CLASP2: variants seen among roughly 807,000 people sequenced by gnomAD.
CLASP2 encodes CLIP-associating protein 2.
Under a neutral mutation model 194.4 loss-of-function variants are expected in CLASP2, and 47 were observed. That is an observed-to-expected ratio of 0.24 (90% CI 0.19 to 0.31). CLASP2 has a LOEUF of 0.31. Ranked by LOEUF, CLASP2 falls within the 10% of genes least tolerant of loss-of-function variation. CLASP2 has a pLI of 1.00. For synonymous variants in CLASP2, 619 were observed against 633.5 expected, an observed-to-expected ratio of 0.98 and a Z score of 0.34; for missense variants, 1,445 against 1,823.6, an observed-to-expected ratio of 0.79 and a Z score of 3.78.
intron 21 of CLASP2, among the ~76,000 whole-genome samples, chr3:33,587,912 T>C (rs1184879341): frequency 3.3e-5 from 5 of 152,312 alleles, no homozygotes; most frequent in Admixed American, 3.3e-4. Flanking sequence ...TGGTATTCTA[T>C]TAAAACCAAT....
chr3:33,580,723 A>G (rs2065866850), intron 23 of CLASP2, among the ~76,000 whole-genome samples: 1 of 151,516 alleles, frequency 6.6e-6, no homozygotes, highest in South Asian at 2.1e-4. Flanking sequence ...TGTGTTAAAG[A>G]AAAAAAATCT....
At chr3:33,500,252 C>T (rs934616317) in intron 38 of CLASP2, among the ~76,000 whole-genome samples, 1 of 152,004 alleles carries the variant, frequency 6.6e-6, no homozygotes, top group African/African-American at 2.4e-5. Flanking sequence ...CCAGGCTGGT[C>T]TTGAACTCCT....
chr3:33,682,185 T>G (rs2089961682), intron 6 of CLASP2, among the ~76,000 whole-genome samples: 1 of 152,182 alleles, frequency 6.6e-6, no homozygotes, highest in Non-Finnish European at 1.5e-5. Flanking sequence ...AGACACACAC[T>G]TATGATATTT....
At position 33,517,138 on chromosome 3, in the gene CLASP2, A is replaced by C; in HGVS notation, c.3824T>G (p.Leu1275Trp). Residue 1275 changes from leucine (L) to tryptophan (W), a missense_variant, in exon 35 of 39, where the codon TTG becomes TGG. This residue lies in a region of CLASP2 where 732 missense variants were observed against 987.9 expected (regional missense o/e 0.74). Transcript: ENST00000682230. ...ATTATGGTTAGACAGCTCCTTCAAC[A>C]ACTCTGCAACTAGGTCAGAATGATC... ...SLDHSDLVAELLKELSNHNER... is the reference protein window; with the variant it reads ...SLDHSDLVAEWLKELSNHNER... 1 of 1,613,310 alleles carries C rather than the reference A, an allele frequency of 6.2e-7. No homozygotes were observed. The highest frequency in any genetic ancestry group is 8.5e-7 in the Non-Finnish European group (1 of 1,179,666).
chr3:33,648,888 C>G (rs1466319347), intron 7 of CLASP2, among the ~76,000 whole-genome samples: 1 of 152,234 alleles, frequency 6.6e-6, no homozygotes, highest in Non-Finnish European at 1.5e-5. Flanking sequence ...CCAACTAACT[C>G]TTCCTGCTGC....
intron 23 of CLASP2, among the ~76,000 whole-genome samples, chr3:33,579,814 G>A (rs1225986632): frequency 6.6e-6 from 1 of 152,050 alleles, no homozygotes; most frequent in African/African-American, 2.4e-5. Flanking sequence ...ATGAACCCAG[G>A]CCACCTGACC....
intron 38 of CLASP2, among the ~76,000 whole-genome samples, chr3:33,499,601 G>A (rs192057029): frequency 7.6e-4 from 115 of 151,780 alleles, no homozygotes; most frequent in Admixed American, 4.1e-3. Flanking sequence ...CACCCACCTC[G>A]GCATCCCAAA....
chr3:33,712,464 G>A (rs1290044461), intron 1 of CLASP2, among the ~76,000 whole-genome samples: 10 of 152,136 alleles, frequency 6.6e-5, no homozygotes, highest in Non-Finnish European at 7.4e-5. Context: ...ACTTATCCAC[G>A]TAACCAAAAG....
chr3:33,550,991 G>A (rs1268922457), intron 30 of CLASP2, among the ~76,000 whole-genome samples: 1 of 152,130 alleles, frequency 6.6e-6, no homozygotes, highest in Non-Finnish European at 1.5e-5. Flanking sequence ...AAATGCAAGG[G>A]GAATGATTTG....
At chr3:33,710,999 CAAT>C (rs1250915958) in intron 1 of CLASP2, among the ~76,000 whole-genome samples, 2 of 152,064 alleles carry the variant, frequency 1.3e-5, no homozygotes, top group African/African-American at 2.4e-5. Flanking sequence ...CCTCAGCTGA[CAAT>C]GATGATTGCA....
At chr3:33,499,230 T>C (rs191801041) in intron 38 of CLASP2, among the ~76,000 whole-genome samples, 104 of 152,324 alleles carry the variant, frequency 6.8e-4, no homozygotes, top group African/African-American at 2.4e-3. Context: ...CCTGCCATCA[T>C]GTGAAGAAGG....
chr3:33,676,705 G>T (rs2088719477), intron 6 of CLASP2, among the ~76,000 whole-genome samples: 1 of 152,298 alleles, frequency 6.6e-6, no homozygotes, highest in East Asian at 1.9e-4. Flanking sequence ...TGACAAATGG[G>T]ATCTAATTAG....
chr3:33,626,359 T>C (rs1049397920), intron 10 of CLASP2, among the ~76,000 whole-genome samples: 3 of 152,146 alleles, frequency 2.0e-5, no homozygotes, highest in African/African-American at 7.2e-5. Flanking sequence ...TAAATGTAAT[T>C]TGGTTATGTA....
chr3:33,672,375 G>A (rs1402680625), intron 6 of CLASP2, among the ~76,000 whole-genome samples: 3 of 152,206 alleles, frequency 2.0e-5, no homozygotes, highest in African/African-American at 7.2e-5. Flanking sequence ...CAGACCTGCA[G>A]CTGAGGGTCC....
chr3:33,625,474 T>C lies in CLASP2; in HGVS notation c.1035+1514A>G, dbSNP rs1262126066. Among the ~76,000 whole-genome samples the C allele has an allele frequency of 2.7e-5, 4 of 150,612 alleles. No homozygotes were observed. In the East Asian group the frequency reaches 5.8e-4, roughly 22 times the overall value. On this transcript the variant is annotated intron_variant, in intron 10 of 38. Coordinates refer to ENST00000682230, the MANE Select transcript of CLASP2 (RefSeq NM_001365631.1). ...GCAACTATTTATTATGTGCCTGACA[T>C]CTATACCAGGTGTACTGAATGAGCA...
chr3:33,712,440 A>G (rs2093058923), intron 1 of CLASP2, among the ~76,000 whole-genome samples: 1 of 152,164 alleles, frequency 6.6e-6, no homozygotes, highest in South Asian at 2.1e-4. Flanking sequence ...AATCTCAGAA[A>G]TCACCAACAA....
Position 33,590,098 on chromosome 3 carries a change from T to A in CLASP2, c.2068+2297A>T, listed in dbSNP as rs917697711. ...CAGTATTTAAAATTTTTTTAAATTTTAAAAAATTAAAAAATAATGACAATT... is the reference window on the plus strand; with the variant it reads ...CAGTATTTAAAATTTTTTTAAATTTAAAAAAATTAAAAAATAATGACAATT... On this transcript the variant is annotated intron_variant, in intron 21 of 38. Coordinates refer to ENST00000682230, the MANE Select transcript of CLASP2 (RefSeq NM_001365631.1). Among the ~76,000 whole-genome samples the A allele has an allele frequency of 9.2e-5, 14 of 152,274 alleles. No homozygotes were observed. In the East Asian group the frequency reaches 1.2e-3, roughly 13 times the overall value.
intron 30 of CLASP2, among the ~76,000 whole-genome samples, chr3:33,548,223 T>G (rs564541396): frequency 2.8e-4 from 43 of 152,328 alleles, no homozygotes; most frequent in African/African-American, 1.0e-3. Flanking sequence ...GTAGTTAAAA[T>G]AATTTTTAAG....
At chr3:33,529,886 G>A (rs1020585850) in intron 34 of CLASP2, among the ~76,000 whole-genome samples, 2 of 149,688 alleles carry the variant, frequency 1.3e-5, no homozygotes, top group Non-Finnish European at 3.0e-5. Context: ...GCTGAGGCAG[G>A]AGAATGGTGT....
Sources: allele counts gnomAD v4.1 joint callset (sites outside exome capture counted in the v4.1 genomes callset), GRCh38; gene constraint gnomAD v4.1.1; regional missense constraint gnomAD v4.1.1; transcripts MANE v1.5; gene names NCBI Gene and HGNC (gene_info 2026-07-23, HGNC 2026-07-21).